MOCS1: variants seen among roughly 807,000 people sequenced by gnomAD.
MOCS1 encodes molybdenum cofactor synthesis 1, also known as molybdenum cofactor biosynthesis protein 1.
In MOCS1, 39 loss-of-function variants were observed where a neutral mutation model predicts 57.6. The observed-to-expected ratio is 0.68, with a 90% CI of 0.52 to 0.88. The LOEUF is 0.88. Ranked by LOEUF, MOCS1 falls within the 40% of genes least tolerant of loss-of-function variation. MOCS1 has a pLI of 0.00. For synonymous variants in MOCS1, 334 were observed against 335.7 expected (o/e 1.00, Z 0.05); for missense variants, 795 against 831.1 (o/e 0.96, Z 0.53).
chr6:39,908,978 T>C, intron 10 of MOCS1, 77 bp downstream of exon 10: 1 of 1,187,914 alleles, frequency 8.4e-7, no homozygotes, highest in Non-Finnish European at 1.3e-6. Context: ...GAGCTGGGGG[T>C]GCCTATGGCA....
At chr6:39,910,741 T>C (rs1303029964) in intron 8 of MOCS1, among the ~76,000 whole-genome samples, 1 of 152,166 alleles carries the variant, frequency 6.6e-6, no homozygotes, top group Non-Finnish European at 1.5e-5. Flanking sequence ...TTATTCCTCA[T>C]GCCTCGCTCC....
At chr6:39,913,555 G>A (rs1767472217) in intron 5 of MOCS1, 127 bp from the exon 6 acceptor site, 1 of 971,658 alleles carries the variant, frequency 1.0e-6, no homozygotes, top group Admixed American at 2.0e-5. Context: ...CTCCCACTCA[G>A]TTCTCTAAGT....
At position 39,912,289 on chromosome 6, in the gene MOCS1, C is replaced by G; in HGVS notation, c.956G>C (p.Arg319Pro). The change falls in exon 8 of 11, where the codon CGA becomes CCA. Residue 319 changes from arginine to proline, a missense_variant. Around this residue, in one of 3 missense-constraint regions of MOCS1, gnomAD observed 374 missense variants for 422.6 expected, o/e 0.89. Coordinates refer to ENST00000340692, the MANE Select transcript of MOCS1 (RefSeq NM_001358530.2). ...CTTGAGGTTCCCATCAGCTGTGATT[C>G]GCAGGCGGTTGCAGGTCCCACAGAA... The part of the protein sequence containing the change: ...EHFCGTCNRL[R>P]ITADGNLKVC... 1 of 1,613,136 alleles carries G rather than the reference C, an allele frequency of 6.2e-7. No individual in the cohort carries two copies. Among genetic ancestry groups the G allele is most frequent in the Non-Finnish European group, 8.5e-7 (1 of 1,179,904 alleles).
intron 7 of MOCS1, 139 bp downstream of exon 7, chr6:39,912,753 G>A: frequency 1.3e-6 from 1 of 784,708 alleles, no homozygotes; most frequent in Non-Finnish European, 2.3e-6. Context: ...GGTTGTGATA[G>A]CACTGATGCT....
chr6:39,911,856 C>A lies in MOCS1; in HGVS notation c.981+408G>T, dbSNP rs549508158. Among the ~76,000 whole-genome samples, 4 of 152,334 alleles carry A rather than the reference C, an allele frequency of 2.6e-5. No homozygotes were observed. The East Asian group carries it at 7.7e-4, about 29-fold the overall frequency. The stretch of plus-strand genomic sequence containing the variant: ...GACGAGAAGGGGTCCCGACATCCCC[C>A]ACAGGGACGAATGCACAGGACATGC... On this transcript the variant is annotated intron_variant, in intron 8 of 10. Coordinates refer to ENST00000340692, the MANE Select transcript of MOCS1 (RefSeq NM_001358530.2).
At chr6:39,925,542 G>C in intron 3 of MOCS1, 136 bp downstream of exon 3, 1 of 1,032,344 alleles carries the variant, frequency 9.7e-7, no homozygotes, top group Non-Finnish European at 1.5e-6. Context: ...AATAGCACCT[G>C]TCTCAGCAGG....
intron 5 of MOCS1, 161 bp downstream of exon 5, chr6:39,913,613 G>T: frequency 5.0e-6 from 5 of 1,004,322 alleles, no homozygotes; most frequent in Middle Eastern, 4.6e-4. Context: ...CTCAAGGGTC[G>T]GCAGGGCTGG....
intron 2 of MOCS1, among the ~76,000 whole-genome samples, chr6:39,926,550 T>C (rs544122187): frequency 6.6e-6 from 1 of 150,782 alleles, no homozygotes; most frequent in East Asian, 2.0e-4. Context: ...AATTACTCAG[T>C]TGGGTCCAGA....
chr6:39,910,154 G>A lies in MOCS1; in HGVS notation c.982-199C>T, dbSNP rs533757625. On this transcript the variant is annotated intron_variant, in intron 8 of 10. Coordinates refer to ENST00000340692, the MANE Select transcript of MOCS1 (RefSeq NM_001358530.2). Reference sequence around the variant, plus strand: ...GCTAGAAGAGCAAGAGGCAAAATTCGACTTCCCAATACCTATATGTGAGTT... The same window carrying A: ...GCTAGAAGAGCAAGAGGCAAAATTCAACTTCCCAATACCTATATGTGAGTT... Among the ~76,000 whole-genome samples the A allele has an allele frequency of 3.9e-5, 6 of 152,322 alleles. No individual in the cohort carries two copies. In the South Asian group the frequency reaches 6.2e-4, roughly 16 times the overall value.
At chr6:39,923,708 C>T (rs990489628) in intron 3 of MOCS1, among the ~76,000 whole-genome samples, 3 of 152,254 alleles carry the variant, frequency 2.0e-5, no homozygotes, top group African/African-American at 4.8e-5. Context: ...CACAGGATGA[C>T]AGAGGTTCCC....
rs563447431 is a variant in MOCS1 at position 39,906,605 on chromosome 6, G to A, written c.1663C>T (p.His555Tyr). Reference protein sequence around the residue: ...KVTSQLIPLCHHVALSHIQVQ... With the variant: ...KVTSQLIPLCYHVALSHIQVQ... ...TGGATGTGGCTCAGGGCCACGTGGT[G>A]GCACAGAGGGATCAGCTGGCTGGTC... Residue 555 changes from histidine to tyrosine, a missense_variant, in exon 11 of 11, where the codon CAC (histidine) becomes TAC (tyrosine). Around this residue, in one of 3 missense-constraint regions of MOCS1, gnomAD observed 374 missense variants for 422.6 expected, o/e 0.89. Transcript: ENST00000340692. The A allele has an allele frequency of 2.2e-5, 36 of 1,613,890 alleles. No homozygotes were observed. The highest frequency in any genetic ancestry group is 3.0e-5 in the Non-Finnish European group (35 of 1,180,044).
At chr6:39,921,498 A>G (rs114769099) in intron 3 of MOCS1, among the ~76,000 whole-genome samples, 1,937 of 152,332 alleles carry the variant, frequency 0.013, 32 homozygotes, top group African/African-American at 0.043. Flanking sequence ...CAAGTCATAC[A>G]TGGATCAATG....
At chr6:39,908,987 C>T in intron 10 of MOCS1, 68 bp downstream of exon 10, 1 of 1,376,776 alleles carries the variant, frequency 7.3e-7, no homozygotes, top group Non-Finnish European at 1.0e-6. Flanking sequence ...GTGCCTATGG[C>T]ACGGCTCCCA....
chr6:39,919,742 G>A (rs894956556), intron 3 of MOCS1, among the ~76,000 whole-genome samples: 1 of 152,258 alleles, frequency 6.6e-6, no homozygotes, highest in East Asian at 1.9e-4. Context: ...CAGATTTATG[G>A]AGGAAGTAAG....
chr6:39,926,208 C>G (rs901866723), intron 2 of MOCS1, among the ~76,000 whole-genome samples: 8 of 152,154 alleles, frequency 5.3e-5, no homozygotes, highest in African/African-American at 1.9e-4. Flanking sequence ...CATTGTCACC[C>G]ATCCTCCTGC....
At chr6:39,922,488 C>T (rs1024303577) in intron 3 of MOCS1, among the ~76,000 whole-genome samples, 2 of 152,134 alleles carry the variant, frequency 1.3e-5, no homozygotes, top group Admixed American at 1.3e-4. Context: ...TCCACTGTGG[C>T]CCAGGGAAGC....
At position 39,910,114 on chromosome 6, in the gene MOCS1, A is replaced by G. The variant is rs969809882; in HGVS notation, c.982-159T>C. Among the ~76,000 whole-genome samples, 4 of 152,208 alleles carry G rather than the reference A, an allele frequency of 2.6e-5. No homozygotes were observed. In the South Asian group the frequency reaches 8.3e-4, roughly 31 times the overall value. On this transcript the variant is annotated intron_variant, in intron 8 of 10. Coordinates refer to ENST00000340692, the MANE Select transcript of MOCS1 (RefSeq NM_001358530.2). Reference sequence around the variant, plus strand: ...TAGCAGTGAGAGACAGAGGTGCTGTAGGGAGGTCAGAGAGGCTAGAAGAGC... The same window carrying G: ...TAGCAGTGAGAGACAGAGGTGCTGTGGGGAGGTCAGAGAGGCTAGAAGAGC...
chr6:39,917,691 A>G (rs1767740327), intron 3 of MOCS1, among the ~76,000 whole-genome samples: 1 of 152,232 alleles, frequency 6.6e-6, no homozygotes, highest in African/African-American at 2.4e-5. Context: ...TGAAAGGAGG[A>G]GGAGAAGGAA....
At chr6:39,907,534 A>T (rs1767036342) in intron 10 of MOCS1, among the ~76,000 whole-genome samples, 1 of 152,182 alleles carries the variant, frequency 6.6e-6, no homozygotes, top group Non-Finnish European at 1.5e-5. Flanking sequence ...ACCTATTTTT[A>T]TCTTCACATT....
Sources: allele counts gnomAD v4.1 joint callset (sites outside exome capture counted in the v4.1 genomes callset), GRCh38; gene constraint gnomAD v4.1.1; regional missense constraint gnomAD v4.1.1; transcripts MANE v1.5; gene names NCBI Gene and HGNC (gene_info 2026-07-23, HGNC 2026-07-21).